Variants in ERG observed in about 807,000 individuals in gnomAD.
The protein encoded by ERG is ETS transcription factor ERG, also known as transcriptional regulator ERG.
Under a neutral mutation model 55.3 loss-of-function variants are expected in ERG, and 9 were observed. The observed-to-expected ratio is 0.16, with a 90% CI of 0.10 to 0.28. The LOEUF is 0.28. Ranked by LOEUF, ERG falls within the 10% of genes least tolerant of loss-of-function variation. The pLI, the probability that ERG is intolerant of heterozygous loss-of-function variation, is 1.00. For missense variants in ERG, 434 were observed against 631.6 expected, an observed-to-expected ratio of 0.69 and a Z score of 3.35; for synonymous variants, 223 against 237.3, an observed-to-expected ratio of 0.94 and a Z score of 0.55.
intron 9 of ERG, among the ~76,000 whole-genome samples, chr21:38,390,659 C>G (rs551061141): frequency 3.3e-5 from 5 of 152,160 alleles, no homozygotes; most frequent in Admixed American, 6.5e-5. Context: ...TGAGAAGGAA[C>G]GAAACCTGCC....
chr21:38,613,001 T>C (rs1241234914), intron 1 of ERG, among the ~76,000 whole-genome samples: 3 of 152,132 alleles, frequency 2.0e-5, no homozygotes, highest in Admixed American at 2.0e-4. Flanking sequence ...TTGCAAACCA[T>C]GTTAACGATC....
At chr21:38,501,172 T>G (rs2059418492), upstream of ERG, among the ~76,000 whole-genome samples, 1 of 150,520 alleles carries the variant, frequency 6.6e-6, no homozygotes, top group Non-Finnish European at 1.5e-5. Context: ...TTCACGCCAT[T>G]CTCCTGCCTC....
chr21:38,646,724 T>C (rs2060459103), intron 1 of ERG, among the ~76,000 whole-genome samples: 1 of 152,204 alleles, frequency 6.6e-6, no homozygotes, highest in South Asian at 2.1e-4. Flanking sequence ...CAGTTTTGTT[T>C]CTCTTGACAA....
intron 2 of ERG, among the ~76,000 whole-genome samples, chr21:38,528,614 A>ATT (rs1279812650): frequency 1.1e-5 from 1 of 92,568 alleles, no homozygotes; most frequent in Non-Finnish European, 2.5e-5. Context: ...CGCCCGGCTA[A>ATT]TTTTTTTGTA....
chr21:38,551,929 T>G (rs1178949633), intron 2 of ERG, among the ~76,000 whole-genome samples: 1 of 152,150 alleles, frequency 6.6e-6, no homozygotes, highest in Non-Finnish European at 1.5e-5. Flanking sequence ...TATCTAATAC[T>G]GTCAGTGAGA....
At chr21:38,637,499 ATT>A (rs2060396859) in intron 1 of ERG, among the ~76,000 whole-genome samples, 1 of 152,206 alleles carries the variant, frequency 6.6e-6, no homozygotes, top group Admixed American at 6.5e-5. Flanking sequence ...GTTACCTAAC[ATT>A]TCTGAGCTTC....
intron 2 of ERG, among the ~76,000 whole-genome samples, chr21:38,575,164 C>T (rs1252140778): frequency 1.3e-5 from 2 of 152,150 alleles, no homozygotes; most frequent in Admixed American, 6.5e-5. Context: ...GATAAAACAA[C>T]GTTCCAACAT....
At chr21:38,642,245 A>G (rs2060429752) in intron 1 of ERG, among the ~76,000 whole-genome samples, 1 of 152,256 alleles carries the variant, frequency 6.6e-6, no homozygotes. Flanking sequence ...ACATGTGTAT[A>G]AGAGAGAAAT....
intron 1 of ERG, among the ~76,000 whole-genome samples, chr21:38,469,101 AC>A (rs2059118139): frequency 6.6e-6 from 1 of 150,792 alleles, no homozygotes; most frequent in Non-Finnish European, 1.5e-5. Context: ...TTGACATGCC[AC>A]TGGGGGTCCC....
intron 2 of ERG, among the ~76,000 whole-genome samples, chr21:38,564,096 G>A (rs566250062): frequency 6.6e-6 from 1 of 151,588 alleles, no homozygotes; most frequent in Non-Finnish European, 1.5e-5. Flanking sequence ...AAAAAAAACT[G>A]CTGCAAAGTG....
At chr21:38,563,984 T>C (rs556829412) in intron 2 of ERG, among the ~76,000 whole-genome samples, 1 of 152,190 alleles carries the variant, frequency 6.6e-6, no homozygotes, top group Non-Finnish European at 1.5e-5. Flanking sequence ...TTGCTCCCAA[T>C]TGTAATCTTT....
intron 1 of ERG, among the ~76,000 whole-genome samples, chr21:38,451,474 T>C (rs187815463): frequency 1.3e-5 from 2 of 152,316 alleles, no homozygotes; most frequent in African/African-American, 2.4e-5. Context: ...GCAGGAAAAC[T>C]AGGACAGGTA....
chr21:38,375,054 C>T (rs1987206581), downstream of ERG, among the ~76,000 whole-genome samples: 1 of 152,196 alleles, frequency 6.6e-6, no homozygotes, highest in South Asian at 2.1e-4. Flanking sequence ...TCCTCATACT[C>T]AGAAGCAGCT....
intron 1 of ERG, among the ~76,000 whole-genome samples, chr21:38,493,227 G>A (rs753536265): frequency 2.0e-5 from 3 of 152,100 alleles, no homozygotes; most frequent in East Asian, 1.9e-4. Flanking sequence ...GTGAAACATC[G>A]CAAGCAGCAT....
chr21:38,452,124 C>T (rs987760370), intron 1 of ERG, among the ~76,000 whole-genome samples: 1 of 150,202 alleles, frequency 6.7e-6, no homozygotes, highest in Non-Finnish European at 1.5e-5. Flanking sequence ...AAATGAAGTC[C>T]ATCTAAAGAG....
At chr21:38,473,084 G>A (rs1040912004) in intron 1 of ERG, among the ~76,000 whole-genome samples, 18 of 150,690 alleles carry the variant, frequency 1.2e-4, no homozygotes, top group African/African-American at 4.2e-4. Context: ...TAGTTCTGAG[G>A]TGTAGCAAGT....
At chr21:38,640,688 C>A (rs1464683832) in intron 1 of ERG, among the ~76,000 whole-genome samples, 1 of 152,148 alleles carries the variant, frequency 6.6e-6, no homozygotes. Flanking sequence ...AACTGTGAGT[C>A]CACTAAGCCT....
chr21:38,608,366 T>C (rs79899307), intron 1 of ERG, among the ~76,000 whole-genome samples: 1,581 of 152,244 alleles, frequency 0.01, 32 homozygotes, highest in African/African-American at 0.036. Flanking sequence ...TTATTAGGGA[T>C]AAAGATGAGC....
Position 38,380,773 on chromosome 21 carries a change from T to C in ERG, c.*2630A>G. The C allele has an allele frequency of 1.9e-6, 2 of 1,063,558 alleles. No individual in the cohort carries two copies. The highest frequency in any genetic ancestry group is 2.3e-6 in the Non-Finnish European group (2 of 879,050). 65.9% of individuals were successfully genotyped at this position (1,063,558 alleles called of 1,614,324 possible). On this transcript the variant is annotated 3_prime_UTR_variant, in exon 10 of 10. Transcript: ENST00000288319. ...GGACTGGGGGTGGAGGGTTGAGGGA[T>C]CTAATGGAAAACATCTGTTAAAATT...
Sources: gnomAD v4.1 joint callset for allele counts (sites outside exome capture counted in the v4.1 genomes callset) on GRCh38, gnomAD v4.1.1 for gene constraint, MANE v1.5 for transcripts, NCBI Gene and HGNC (gene_info 2026-07-23, HGNC 2026-07-21) for gene names.